SNX29: variants seen among roughly 807,000 people sequenced by gnomAD.
SNX29 encodes the protein sorting nexin 29, also known as sorting nexin-29.
Under a neutral mutation model 102.1 loss-of-function variants are expected in SNX29, and 78 were observed. The observed-to-expected ratio is 0.76, with a 90% confidence interval of 0.64 to 0.92. The LOEUF (loss-of-function observed/expected upper bound fraction) is 0.92. Ranked by LOEUF, SNX29 falls within the 40% of genes least tolerant of loss-of-function variation. The pLI is 0.00. For missense variants in SNX29, 1,280 were observed against 1,061.7 expected, an observed-to-expected ratio of 1.21 and a Z score of -2.86; for synonymous variants, 580 against 414.5, an observed-to-expected ratio of 1.40 and a Z score of -4.85.
intron 19 of SNX29, among the ~76,000 whole-genome samples, chr16:12,493,834 C>T (rs1567620371): frequency 6.6e-6 from 1 of 152,208 alleles, no homozygotes; most frequent in Non-Finnish European, 1.5e-5. Context: ...TCAGATGATC[C>T]ACCCGCCTCG....
chr16:12,513,550 G>GA, intron 19 of SNX29, among the ~76,000 whole-genome samples: 1 of 152,144 alleles, frequency 6.6e-6, no homozygotes. Context: ...GTTCCAGGTG[G>GA]TGATCACCTA....
intron 19 of SNX29, among the ~76,000 whole-genome samples, chr16:12,484,488 C>T (rs1465088328): frequency 6.6e-6 from 1 of 152,162 alleles, no homozygotes; most frequent in Non-Finnish European, 1.5e-5. Context: ...TCCAGTGACA[C>T]CCCTGGTACT....
intron 11 of SNX29, among the ~76,000 whole-genome samples, chr16:12,121,856 TG>T (rs997659738): frequency 5.3e-5 from 8 of 152,228 alleles, no homozygotes; most frequent in Non-Finnish European, 1.2e-4. Flanking sequence ...TGGAATGCAG[TG>T]GCGCGATCTT....
chr16:12,471,792 C>A (rs1213303738), intron 18 of SNX29, among the ~76,000 whole-genome samples: 2 of 152,220 alleles, frequency 1.3e-5, no homozygotes, highest in Non-Finnish European at 2.9e-5. Context: ...CTGTATAGAC[C>A]TTTATAACCA....
At chr16:12,261,530 G>A (rs962690046) in intron 14 of SNX29, among the ~76,000 whole-genome samples, 14 of 140,560 alleles carry the variant, frequency 1.0e-4, no homozygotes, top group Non-Finnish European at 1.6e-4. Flanking sequence ...GTCTGTGCAC[G>A]TGTCCCCGGC....
intron 11 of SNX29, among the ~76,000 whole-genome samples, chr16:12,092,579 C>T: frequency 6.6e-6 from 1 of 152,182 alleles, no homozygotes. Context: ...AATGGGAACA[C>T]TTGGTTTTGA....
At chr16:12,482,069 C>G (rs1184071023) in intron 19 of SNX29, among the ~76,000 whole-genome samples, 2 of 152,058 alleles carry the variant, frequency 1.3e-5, no homozygotes, top group Non-Finnish European at 2.9e-5. Flanking sequence ...CCTAATAACT[C>G]AGGACACCTG....
intron 20 of SNX29, among the ~76,000 whole-genome samples, chr16:12,562,740 C>T (rs567411902): frequency 2.6e-5 from 4 of 152,282 alleles, no homozygotes; most frequent in East Asian, 3.9e-4. Flanking sequence ...GCTTTTATGG[C>T]ATAGTTCCTT....
chr16:11,977,537 C>G (rs2055330270), intron 1 of SNX29: 1 of 152,606 alleles, frequency 6.6e-6, no homozygotes, highest in South Asian at 2.1e-4. Flanking sequence ...TTTAAGATCT[C>G]TCTTGCCTTG....
intron 1 of SNX29, among the ~76,000 whole-genome samples, chr16:11,989,024 G>C (rs1009659553): frequency 4.6e-5 from 7 of 152,054 alleles, no homozygotes; most frequent in Non-Finnish European, 1.0e-4. Flanking sequence ...CCAGGCTGGA[G>C]TGTAGTGGTG....
chr16:12,252,764 T>C (rs1210397213), intron 14 of SNX29, among the ~76,000 whole-genome samples: 1 of 152,174 alleles, frequency 6.6e-6, no homozygotes, highest in Non-Finnish European at 1.5e-5. Flanking sequence ...CAGCCGCCAT[T>C]GGAGGGGCTC....
At chr16:12,008,509 T>A (rs188205555) in intron 3 of SNX29, among the ~76,000 whole-genome samples, 2 of 151,930 alleles carry the variant, frequency 1.3e-5, no homozygotes, top group Admixed American at 1.3e-4. Flanking sequence ...CCTCAGGTGA[T>A]CCTCCCGCCT....
At chr16:12,365,781 G>T (rs561702563) in intron 16 of SNX29, among the ~76,000 whole-genome samples, 1 of 151,330 alleles carries the variant, frequency 6.6e-6, no homozygotes, top group African/African-American at 2.4e-5. Flanking sequence ...GGTGGCTCAC[G>T]CCTGTAATCC....
chr16:12,255,992 C>T (rs530581865), intron 14 of SNX29, among the ~76,000 whole-genome samples: 1 of 152,174 alleles, frequency 6.6e-6, no homozygotes. Context: ...TACGTTCCTA[C>T]CCACAGTGTA....
chr16:12,049,988 C>T (rs1188812819), intron 7 of SNX29, among the ~76,000 whole-genome samples: 1 of 152,156 alleles, frequency 6.6e-6, no homozygotes, highest in African/African-American at 2.4e-5. Flanking sequence ...CTGTGGCCAT[C>T]CCTTTGGAAT....
chr16:12,014,097 G>T (rs991127711), intron 3 of SNX29, among the ~76,000 whole-genome samples: 8 of 152,072 alleles, frequency 5.3e-5, no homozygotes, highest in African/African-American at 1.7e-4. Context: ...GTGCCTGGCT[G>T]AGTTTTTATT....
intron 18 of SNX29, chr16:12,443,083 G>A (rs1230127683): frequency 4.4e-6 from 2 of 454,282 alleles, no homozygotes; most frequent in African/African-American, 4.0e-5. Context: ...TGAGAGGAGT[G>A]CGTCTGGAGG....
rs570765296 is a variant in SNX29 at position 12,209,487 on chromosome 16, G to C, written c.1678+9804G>C. Among the ~76,000 whole-genome samples, 21 of 152,290 alleles carry C rather than the reference G, an allele frequency of 1.4e-4. 1 individual carries two copies. In the South Asian group the frequency reaches 4.4e-3, roughly 32 times the overall value. ...TTACAGGCATGAGCCACTGTGCCTG[G>C]CTTTGAATGTTCAAGAGTTTGAGTG... On this transcript the variant is annotated intron_variant, in intron 14 of 20. Transcript: ENST00000566228.
At chr16:12,029,800 C>T (rs1223511287) in intron 4 of SNX29, 2 of 348,352 alleles carry the variant, frequency 5.7e-6, no homozygotes, top group East Asian at 7.9e-5. Context: ...CCATGTTGGC[C>T]AGGCTGGTCT....
Sources: allele counts gnomAD v4.1 joint callset (sites outside exome capture counted in the v4.1 genomes callset), GRCh38; gene constraint gnomAD v4.1.1; transcripts MANE v1.5; gene names NCBI Gene and HGNC (gene_info 2026-07-23, HGNC 2026-07-21).